The following NBAS variants were observed in gnomAD, a reference collection of about 807,000 sequenced individuals.
NBAS encodes NBAS subunit of NRZ tethering complex.
In NBAS, 219 loss-of-function variants were observed where a neutral mutation model predicts 302.5. The observed-to-expected ratio is 0.72, with a 90% confidence interval of 0.65 to 0.81. The LOEUF is 0.81. NBAS is among the 30% of genes least tolerant of loss of function. The pLI is 0.00. For synonymous variants in NBAS, 1,118 were observed against 1,021.6 expected, an observed-to-expected ratio of 1.09 and a Z score of -1.80; for missense variants, 2,932 against 2,841.6, an observed-to-expected ratio of 1.03 and a Z score of -0.72.
At chr2:14,902,160 C>G in the NBAS span, among the ~76,000 whole-genome samples, 2 of 152,178 alleles carry the variant, frequency 1.3e-5, no homozygotes, top group African/African-American at 4.8e-5. Context: ...GAGACAGGGT[C>G]TCACTCCGTC....
chr2:15,273,089 C>T (rs73915092), intron 44 of NBAS, among the ~76,000 whole-genome samples: 3,213 of 152,236 alleles, frequency 0.021, 109 homozygotes, highest in African/African-American at 0.072. Context: ...GATGATCATG[C>T]TGGCTTCCCT....
chr2:14,843,495 T>C, the NBAS span, among the ~76,000 whole-genome samples: 3,324 of 151,852 alleles, frequency 0.022, 43 homozygotes, highest in Middle Eastern at 0.031. Context: ...GGTGGACAAA[T>C]ATGAGGCTCC....
At chr2:15,150,446 C>A in the NBAS span, among the ~76,000 whole-genome samples, 20 of 152,132 alleles carry the variant, frequency 1.3e-4, no homozygotes, top group African/African-American at 4.6e-4. Flanking sequence ...AGTCAGATTA[C>A]CTATGATAGC....
At chr2:15,406,785 G>A (rs1010931819) in intron 25 of NBAS, among the ~76,000 whole-genome samples, 9 of 152,044 alleles carry the variant, frequency 5.9e-5, no homozygotes, top group African/African-American at 9.7e-5. Flanking sequence ...CTAACATATC[G>A]GAAAATGTTA....
chr2:14,784,020 G>C, the NBAS span, among the ~76,000 whole-genome samples: 6 of 152,074 alleles, frequency 3.9e-5, no homozygotes, highest in Non-Finnish European at 7.4e-5. Context: ...ACTCTAACTG[G>C]TGTGAGATGG....
In NBAS at chr2:15,308,209, G is replaced by A. The variant is rs1372691959; in HGVS notation, c.4797+7C>T. On this transcript the variant is annotated splice_region_variant and intron_variant, in intron 40 of 51. Transcript: ENST00000281513. The stretch of plus-strand genomic sequence containing the variant: ...TCAATAATAAGCTGGAAATCATGAA[G>A]ACTCACCCTGTAAAGAGGATGGCAC... 2.5e-6 allele frequency: 4 copies of A among 1,614,102 alleles called. No homozygotes were observed. The highest frequency in any genetic ancestry group is 1.7e-5 in the Admixed American group (1 of 59,998).
At chr2:14,874,355 G>A in the NBAS span, among the ~76,000 whole-genome samples, 3 of 151,900 alleles carry the variant, frequency 2.0e-5, no homozygotes, top group Non-Finnish European at 4.4e-5. Flanking sequence ...GGCTGGGCAC[G>A]GTGGCTCACG....
At chr2:15,098,402 T>A in the NBAS span, among the ~76,000 whole-genome samples, 5 of 95,378 alleles carry the variant, frequency 5.2e-5, no homozygotes, top group African/African-American at 2.0e-4. Context: ...ATATTATATA[T>A]TATATATGAT....
intron 16 of NBAS, 139 bp downstream of exon 16, chr2:15,473,083 T>C: frequency 1.0e-6 from 1 of 975,002 alleles, no homozygotes; most frequent in South Asian, 1.5e-5. Context: ...AAGACCATTT[T>C]TCCAGCTGAG....
the NBAS span, among the ~76,000 whole-genome samples, chr2:15,072,364 T>C: frequency 2.5e-4 from 38 of 152,358 alleles, no homozygotes; most frequent in South Asian, 1.0e-3. Context: ...GTTTTAATGT[T>C]TTCTTATTGA....
At chr2:14,867,398 G>A in the NBAS span, among the ~76,000 whole-genome samples, 1 of 152,004 alleles carries the variant, frequency 6.6e-6, no homozygotes, top group Non-Finnish European at 1.5e-5. Flanking sequence ...CTTCTCTTGG[G>A]GTAAGACCTG....
chr2:14,914,053 G>T, the NBAS span, among the ~76,000 whole-genome samples: 2 of 152,156 alleles, frequency 1.3e-5, no homozygotes, highest in Non-Finnish European at 2.9e-5. Flanking sequence ...ATGGTAGCAG[G>T]CGAGACAGAA....
intron 38 of NBAS, among the ~76,000 whole-genome samples, chr2:15,310,012 T>C (rs1463726763): frequency 2.0e-5 from 3 of 152,200 alleles, no homozygotes; most frequent in Non-Finnish European, 2.9e-5. Context: ...AAAACACAGA[T>C]GCTCATGATC....
chr2:15,367,835 G>T (rs1374032081), intron 31 of NBAS, among the ~76,000 whole-genome samples: 1 of 152,178 alleles, frequency 6.6e-6, no homozygotes, highest in Non-Finnish European at 1.5e-5. Context: ...AAAAAAGGTT[G>T]CAAGGAAAGT....
At chr2:15,253,307 T>A (rs965896226) in intron 44 of NBAS, among the ~76,000 whole-genome samples, 1 of 151,966 alleles carries the variant, frequency 6.6e-6, no homozygotes, top group African/African-American at 2.4e-5. Flanking sequence ...AGGAGTTCAA[T>A]CACCAAAGCC....
chr2:15,461,114 A>T (rs768881405), intron 21 of NBAS, 87 bp downstream of exon 21: 10 of 1,210,010 alleles, frequency 8.3e-6, no homozygotes, highest in African/African-American at 1.6e-5. Context: ...CATTAAAATT[A>T]TTTTTTTTAA....
chr2:15,306,446 T>G (rs149157825), intron 40 of NBAS, among the ~76,000 whole-genome samples: 1 of 152,266 alleles, frequency 6.6e-6, no homozygotes, highest in Non-Finnish European at 1.5e-5. Flanking sequence ...GAGAGTCATG[T>G]GTTATGGATG....
chr2:15,290,273 C>T (rs1037788962), intron 41 of NBAS, among the ~76,000 whole-genome samples: 24 of 152,106 alleles, frequency 1.6e-4, no homozygotes, highest in Non-Finnish European at 5.9e-5. Context: ...CCCAGCTCCA[C>T]AGTAGAAGAG....
chr2:15,156,867 C>A, the NBAS span, among the ~76,000 whole-genome samples: 1 of 152,170 alleles, frequency 6.6e-6, no homozygotes, highest in Non-Finnish European at 1.5e-5. Context: ...TGTATTGAAT[C>A]TAGCTACTTA....
Sources: gnomAD v4.1 joint callset for allele counts (sites outside exome capture counted in the v4.1 genomes callset) on GRCh38, gnomAD v4.1.1 for gene constraint, MANE v1.5 for transcripts, NCBI Gene and HGNC (gene_info 2026-07-23, HGNC 2026-07-21) for gene names.